Variants in CIBAR1 observed in about 807,000 individuals in gnomAD.
The protein encoded by CIBAR1 is CBY1 interacting BAR domain containing 1, also known as CBY1-interacting BAR domain-containing protein 1.
CIBAR1 carries 25 observed loss-of-function variants against 44.0 expected under a neutral mutation model. The observed-to-expected ratio is 0.57, with a 90% CI of 0.41 to 0.79. The LOEUF (loss-of-function observed/expected upper bound fraction) is 0.79, where lower values mean the gene tolerates loss of function less well. Among genes scored for constraint, CIBAR1 ranks in the 30% least tolerant of loss-of-function variants. CIBAR1 has a pLI of 0.00. For synonymous variants in CIBAR1, 115 were observed against 119.0 expected, an observed-to-expected ratio of 0.97 and a Z score of 0.22; for missense variants, 278 against 344.8, an observed-to-expected ratio of 0.81 and a Z score of 1.53.
chr8:93,718,849 C>T (rs1002858084), intron 7 of CIBAR1, 61 bp downstream of exon 7: 1 of 994,516 alleles, frequency 1.0e-6, no homozygotes, highest in Non-Finnish European at 1.5e-6. Flanking sequence ...TAAAAGAGAA[C>T]ATTAGTATGT....
intron 2 of CIBAR1, chr8:93,702,483 T>C (rs529020284): frequency 1.3e-4 from 60 of 454,610 alleles, no homozygotes; most frequent in African/African-American, 1.0e-3. Flanking sequence ...TTTGCATTTG[T>C]TCTCCTTTTA....
chr8:93,700,749 A>G (rs1384724672), intron 1 of CIBAR1, 76 bp downstream of exon 1: 5 of 1,421,784 alleles, frequency 3.5e-6, no homozygotes, highest in Admixed American at 3.1e-5. Flanking sequence ...GCCTCTGTCC[A>G]TGGGGCCTCT....
At chr8:93,714,430 T>A (rs777908192) in intron 6 of CIBAR1, among the ~76,000 whole-genome samples, 20 of 152,202 alleles carry the variant, frequency 1.3e-4, no homozygotes, top group Non-Finnish European at 2.2e-4. Flanking sequence ...CAAACTCCCA[T>A]AACCCTAGCA....
At chr8:93,724,738 T>A in intron 7 of CIBAR1, 1 of 1,044,520 alleles carries the variant, frequency 9.6e-7, no homozygotes, top group South Asian at 2.0e-5. Flanking sequence ...AAGTTCAATT[T>A]AAAAATTCAG....
At position 93,729,578 on chromosome 8, in the gene CIBAR1, C is replaced by T. The variant is rs1305427393; in HGVS notation, c.*1281C>T. On this transcript the variant is annotated 3_prime_UTR_variant, in exon 9 of 9. Coordinates refer to ENST00000518322, the MANE Select transcript of CIBAR1 (RefSeq NM_145269.5). Reference sequence around the variant, plus strand: ...TGGAATAAAACATACATTCTGCCTACCTCAAAGAAATATTCTAAGAACAAA... The same window carrying T: ...TGGAATAAAACATACATTCTGCCTATCTCAAAGAAATATTCTAAGAACAAA... 1 of 152,118 alleles carries T rather than the reference C, an allele frequency of 6.6e-6. No individual in the cohort carries two copies. The highest frequency in any genetic ancestry group is 1.5e-5 in the Non-Finnish European group (1 of 68,002). The allele number at this position is 152,118 out of a possible 1,614,324, so 9.4% of individuals were successfully genotyped here.
Position 93,700,584 on chromosome 8 carries a change from C to CCCAGGCGCCTTGGAAT in CIBAR1, c.-61_-46dup. 1 of 1,445,784 alleles carries CCCAGGCGCCTTGGAAT rather than the reference C, an allele frequency of 6.9e-7. No homozygotes were observed. Among genetic ancestry groups the CCCAGGCGCCTTGGAAT allele is most frequent in the Admixed American group, 2.7e-5 (1 of 36,654 alleles). The allele number at this position is 1,445,784 out of a possible 1,614,324, so 89.6% of individuals were successfully genotyped here. A position where few individuals can be genotyped will look rare whatever the true frequency, so the allele number is the denominator to read the frequency against. ...GCGGCTGCTTGCGCCCCAGCGCGCG[C>CCCAGGCGCCTTGGAAT]CCAGGCGCCTTGGAATCCCCGTCCT... On this transcript the variant is annotated 5_prime_UTR_variant, in exon 1 of 9. Coordinates refer to ENST00000518322, the MANE Select transcript of CIBAR1 (RefSeq NM_145269.5).
In CIBAR1 at chr8:93,704,896, T is replaced by G; in HGVS notation, c.331-13T>G. Reference sequence around the variant, plus strand: ...TCAGACATTTTTACTAACAAAAAAATGCCAATTTGCAGGATGACCTCAAAG... The same window carrying G: ...TCAGACATTTTTACTAACAAAAAAAGGCCAATTTGCAGGATGACCTCAAAG... On this transcript the variant is annotated splice_polypyrimidine_tract_variant and intron_variant, in intron 3 of 8. Transcript: ENST00000518322. The G allele has an allele frequency of 6.5e-7, 1 of 1,536,214 alleles. No homozygotes were observed. Among genetic ancestry groups the G allele is most frequent in the Non-Finnish European group, 8.8e-7 (1 of 1,137,998 alleles).
Position 93,713,905 on chromosome 8 carries a change from T to C in CIBAR1, c.543+4030T>C, listed in dbSNP as rs532793671. ...ATGTTTTTAAATCAGGTAATGTGAG[T>C]CTTTGTACTTTCTTCTTTTTTTAAA... On this transcript the variant is annotated intron_variant, in intron 6 of 8. Transcript: ENST00000518322. 3.9e-5 allele frequency among the ~76,000 whole-genome samples: 6 copies of C among 152,272 alleles called. No homozygotes were observed. In the East Asian group the frequency reaches 1.2e-3, roughly 29 times the overall value.
intron 6 of CIBAR1, among the ~76,000 whole-genome samples, chr8:93,713,104 C>G (rs1810898111): frequency 6.9e-6 from 1 of 145,444 alleles, no homozygotes; most frequent in South Asian, 2.2e-4. Flanking sequence ...GCGATCTCGG[C>G]TCACTGCAAC....
intron 6 of CIBAR1, among the ~76,000 whole-genome samples, chr8:93,714,315 A>G (rs1279057022): frequency 6.6e-6 from 1 of 152,194 alleles, no homozygotes; most frequent in Non-Finnish European, 1.5e-5. Flanking sequence ...CTTATGTCTT[A>G]CAACCTTGCC....
chr8:93,703,743 G>C lies in CIBAR1; in HGVS notation c.330+55G>C, dbSNP rs1187480278. The C allele has an allele frequency of 2.9e-6, 4 of 1,358,970 alleles. No individual in the cohort carries two copies. In the East Asian group the frequency reaches 1.0e-4, roughly 34 times the overall value. 84.2% of individuals were successfully genotyped at this position (1,358,970 alleles called of 1,614,324 possible). On this transcript the variant is annotated intron_variant, in intron 3 of 8. Coordinates refer to ENST00000518322, the MANE Select transcript of CIBAR1 (RefSeq NM_145269.5). ...TGAGTTACTCTGGCAAAGACTATGA[G>C]GTTTCCAATTGTTTTTTTAAATAAG...
intron 4 of CIBAR1, chr8:93,706,170 C>T (rs1810572698): frequency 6.6e-6 from 1 of 152,162 alleles, no homozygotes; most frequent in Non-Finnish European, 1.5e-5. Context: ...GCGCCAGTTG[C>T]TTGGTCCTTC....
chr8:93,728,591 T>C lies in CIBAR1; in HGVS notation c.*294T>C, dbSNP rs1811654730. 1 of 198,494 alleles carries C rather than the reference T, an allele frequency of 5.0e-6. No homozygotes were observed. Among genetic ancestry groups the C allele is most frequent in the East Asian group, 1.3e-4 (1 of 7,836 alleles). The allele number at this position is 198,494 out of a possible 1,614,324, so 12.3% of individuals were successfully genotyped here. A position where few individuals can be genotyped will look rare whatever the true frequency, so the allele number is the denominator to read the frequency against. ...GTACTATATCTACTTGAAGTTCCAATAGTACATTATGACAGAAACCAAAAG... is the reference window on the plus strand; with the variant it reads ...GTACTATATCTACTTGAAGTTCCAACAGTACATTATGACAGAAACCAAAAG... On this transcript the variant is annotated 3_prime_UTR_variant, in exon 9 of 9. Transcript: ENST00000518322.
intron 7 of CIBAR1, chr8:93,721,188 G>C (rs1811249317): frequency 6.6e-6 from 1 of 152,170 alleles, no homozygotes. Flanking sequence ...TATGGTTCTT[G>C]ATGAGTGGCA....
At chr8:93,703,179 T>G (rs957346599) in intron 2 of CIBAR1, among the ~76,000 whole-genome samples, 3 of 152,170 alleles carry the variant, frequency 2.0e-5, no homozygotes, top group Non-Finnish European at 4.4e-5. Flanking sequence ...TCTCTAAGCT[T>G]TTTTGCTTTT....
chr8:93,711,578 A>C (rs951555569), intron 6 of CIBAR1, among the ~76,000 whole-genome samples: 1 of 152,178 alleles, frequency 6.6e-6, no homozygotes, highest in Non-Finnish European at 1.5e-5. Context: ...AAAGTTTTAT[A>C]ATTGCTGACA....
Position 93,710,066 on chromosome 8 carries a change from G to T in CIBAR1, c.543+191G>T, listed in dbSNP as rs145804411. On this transcript the variant is annotated intron_variant, in intron 6 of 8. Coordinates refer to ENST00000518322, the MANE Select transcript of CIBAR1 (RefSeq NM_145269.5). ...TTGGGAGGCCAAGGCAGGTGGATCA[G>T]TTGAGGCCAGGAGTTTGGGATGAGC... is the stretch of plus-strand genomic sequence containing the variant. 1.7e-3 allele frequency among the ~76,000 whole-genome samples: 251 copies of T among 152,104 alleles called. 2 individuals are homozygous for T. Among genetic ancestry groups the T allele is most frequent in the East Asian group, 0.012 (63 of 5,156 alleles).
intron 7 of CIBAR1, 80 bp downstream of exon 7, chr8:93,718,868 T>C (rs958785045): frequency 5.9e-5 from 54 of 909,994 alleles, no homozygotes; most frequent in South Asian, 8.5e-5. Flanking sequence ...GTGATTAATA[T>C]CTTTTTTTTT....
chr8:93,704,667 ATCT>A (rs1810508101), intron 3 of CIBAR1, among the ~76,000 whole-genome samples: 1 of 152,230 alleles, frequency 6.6e-6, no homozygotes, highest in African/African-American at 2.4e-5. Context: ...ATATGCATAT[ATCT>A]ATTATGGTTA....
Sources: allele counts gnomAD v4.1 joint callset (sites outside exome capture counted in the v4.1 genomes callset), GRCh38; gene constraint gnomAD v4.1.1; transcripts MANE v1.5; gene names NCBI Gene and HGNC (gene_info 2026-07-23, HGNC 2026-07-21).